The following EPHA7 variants were observed in gnomAD, a reference collection of about 807,000 sequenced individuals.
The protein encoded by EPHA7 is ephrin type-A receptor 7.
In EPHA7, 25 loss-of-function variants were observed where a neutral mutation model predicts 112.6. The observed-to-expected ratio is 0.22, with a 90% CI of 0.16 to 0.31. The LOEUF is 0.31. EPHA7 is among the 10% of genes least tolerant of loss of function. The probability of loss-of-function intolerance (pLI) is 1.00; values close to 1 mark genes in which losing one functional copy is unlikely to be tolerated. For missense variants in EPHA7, 962 were observed against 1,212.6 expected (o/e 0.79, Z 3.07); for synonymous variants, 437 against 406.5 (o/e 1.07, Z -0.90).
intron 6 of EPHA7, 114 bp downstream of exon 6, chr6:93,272,184 G>A (rs1325972474): frequency 9.4e-6 from 11 of 1,166,640 alleles, no homozygotes; most frequent in African/African-American, 3.1e-5. Flanking sequence ...AATTAACTAC[G>A]AAGTTTGAAG....
At chr6:93,351,192 T>G (rs1310909330) in intron 5 of EPHA7, among the ~76,000 whole-genome samples, 1 of 152,052 alleles carries the variant, frequency 6.6e-6, no homozygotes, top group Non-Finnish European at 1.5e-5. Flanking sequence ...AACCCATGTC[T>G]GGACAACATA....
chr6:93,303,518 T>C (rs1434181022), intron 5 of EPHA7, among the ~76,000 whole-genome samples: 1 of 152,146 alleles, frequency 6.6e-6, no homozygotes, highest in African/African-American at 2.4e-5. Context: ...TGGGAATGTT[T>C]GTTGATGGCT....
chr6:93,373,749 C>CT lies in EPHA7; in HGVS notation c.833-15339dup, dbSNP rs566647611. Among the ~76,000 whole-genome samples, 199 of 147,478 alleles carry CT rather than the reference C, an allele frequency of 1.3e-3. 1 individual carries two copies. The highest frequency in any genetic ancestry group is 2.2e-3 in the South Asian group (10 of 4,646). On this transcript the variant is annotated intron_variant, in intron 3 of 16. Coordinates refer to ENST00000369303, the MANE Select transcript of EPHA7 (RefSeq NM_004440.4). ...GGTTTATGCTCTATTTGTCACTCTT[C>CT]TTTTTTTTTTCTGGTGTATTCTCTT...
At chr6:93,266,725 G>A (rs1770958027) in intron 7 of EPHA7, among the ~76,000 whole-genome samples, 2 of 151,682 alleles carry the variant, frequency 1.3e-5, no homozygotes, top group African/African-American at 2.4e-5. Flanking sequence ...GGCACAGCAA[G>A]TCACTGCTCC....
chr6:93,315,558 G>T (rs1773765029), intron 5 of EPHA7, among the ~76,000 whole-genome samples: 2 of 152,032 alleles, frequency 1.3e-5, no homozygotes, highest in Non-Finnish European at 1.5e-5. Flanking sequence ...GTTATCTCTG[G>T]TTATGGAAAC....
chr6:93,317,626 A>G (rs1241027269), intron 5 of EPHA7, among the ~76,000 whole-genome samples: 2 of 152,204 alleles, frequency 1.3e-5, no homozygotes, highest in African/African-American at 4.8e-5. Context: ...AATTACACAT[A>G]ATCACAACAA....
intron 5 of EPHA7, among the ~76,000 whole-genome samples, chr6:93,345,040 A>G (rs574127183): frequency 6.6e-6 from 1 of 151,780 alleles, no homozygotes; most frequent in African/African-American, 2.4e-5. Flanking sequence ...TACTCATAAA[A>G]TGTATGAGGT....
chr6:93,377,260 T>A lies in EPHA7; in HGVS notation c.833-18849A>T, dbSNP rs138510484. 1.0e-3 allele frequency among the ~76,000 whole-genome samples: 159 copies of A among 152,264 alleles called. 1 individual carries two copies. Among genetic ancestry groups the A allele is most frequent in the African/African-American group, 3.7e-3 (152 of 41,558 alleles). ...TAACAAAGAATGATCCTGTACAAAA[T>A]GTCAATAGTGCTACTGTTGAGAAAT... On this transcript the variant is annotated intron_variant, in intron 3 of 16. Coordinates refer to ENST00000369303, the MANE Select transcript of EPHA7 (RefSeq NM_004440.4).
At position 93,339,285 on chromosome 6, in the gene EPHA7, G is replaced by A. The variant is rs188699539; in HGVS notation, c.1324+17432C>T. Among the ~76,000 whole-genome samples the A allele has an allele frequency of 1.9e-3, 292 of 151,688 alleles. 2 individuals carry two copies. The highest frequency in any genetic ancestry group is 4.1e-3 in the South Asian group (20 of 4,820). ...ATTACTTGTTTAAAGAATAGTCAAC[G>A]ATTTATTATTCTTTTGTAGTCCCGG... is the stretch of plus-strand genomic sequence containing the variant. On this transcript the variant is annotated intron_variant, in intron 5 of 16. Coordinates refer to ENST00000369303, the MANE Select transcript of EPHA7 (RefSeq NM_004440.4).
Position 93,294,597 on chromosome 6 carries a change from T to C in EPHA7, c.1325-22175A>G, listed in dbSNP as rs141185570. Among the ~76,000 whole-genome samples the C allele has an allele frequency of 4.4e-4, 67 of 152,272 alleles. 1 individual carries two copies. In the East Asian group the frequency reaches 0.012, roughly 28 times the overall value. On this transcript the variant is annotated intron_variant, in intron 5 of 16. Coordinates refer to ENST00000369303, the MANE Select transcript of EPHA7 (RefSeq NM_004440.4). ...TTTCTTTTTAACAAATAGAACAATG[T>C]CATAAATTGGTAGTTAAATGTTGTT...
At position 93,410,631 on chromosome 6, in the gene EPHA7, A is replaced by G. The variant is rs1345265318; in HGVS notation, c.702T>C (p.Cys234=). 3.1e-6 allele frequency: 5 copies of G among 1,614,034 alleles called. No individual in the cohort carries two copies. Among genetic ancestry groups the G allele is most frequent in the Non-Finnish European group, 4.2e-6 (5 of 1,179,952 alleles). The change falls in exon 3 of 17, where the codon TGT becomes TGC. Residue 234 remains cysteine, a synonymous_variant. Coordinates refer to ENST00000369303, the MANE Select transcript of EPHA7 (RefSeq NM_004440.4). This position sits in a 1 kb window ranked among gnomAD's most constrained non-coding sequence, Gnocchi z 4.0. The stretch of plus-strand genomic sequence containing the variant: ...CCGCTTCTTCCTCTGCACTGCTGAC[A>G]CATGTCCCTCGAACCTCGACTAAAG... The part of the protein sequence containing the change: ...FSSLVEVRGT[C]VSSAEEEAEN...
chr6:93,373,510 G>C (rs13218082), intron 3 of EPHA7, among the ~76,000 whole-genome samples: 29,769 of 151,918 alleles, frequency 0.2, 3,319 homozygotes, highest in Non-Finnish European at 0.25. Flanking sequence ...AAATTGTATG[G>C]AATAGGTTCT....
chr6:93,363,541 A>G (rs1269094401), intron 3 of EPHA7, among the ~76,000 whole-genome samples: 1 of 152,176 alleles, frequency 6.6e-6, no homozygotes, highest in African/African-American at 2.4e-5. Context: ...ATCTACTAGG[A>G]TGGCTATAAC....
At chr6:93,381,822 C>T (rs1050386198) in intron 3 of EPHA7, among the ~76,000 whole-genome samples, 2 of 151,870 alleles carry the variant, frequency 1.3e-5, no homozygotes, top group South Asian at 4.2e-4. Flanking sequence ...CATCTGTCAA[C>T]AAGCACAGCC....
intron 5 of EPHA7, among the ~76,000 whole-genome samples, chr6:93,295,113 A>G (rs928863948): frequency 1.3e-5 from 2 of 151,592 alleles, no homozygotes; most frequent in African/African-American, 4.8e-5. Flanking sequence ...GAGAATGGGG[A>G]GAGAGAGAGA....
chr6:93,375,426 G>A (rs1316262569), intron 3 of EPHA7, among the ~76,000 whole-genome samples: 4 of 151,574 alleles, frequency 2.6e-5, no homozygotes, highest in Non-Finnish European at 4.4e-5. Flanking sequence ...GAAAAGCCCA[G>A]GAAACATGGT....
At chr6:93,277,496 A>C (rs1318980081) in intron 5 of EPHA7, among the ~76,000 whole-genome samples, 1 of 151,976 alleles carries the variant, frequency 6.6e-6, no homozygotes, top group Non-Finnish European at 1.5e-5. Context: ...AGCTAAAAAA[A>C]TAAGTACAGG....
intron 5 of EPHA7, among the ~76,000 whole-genome samples, chr6:93,299,567 C>T (rs1353777153): frequency 6.6e-6 from 1 of 152,060 alleles, no homozygotes; most frequent in Non-Finnish European, 1.5e-5. Flanking sequence ...TTGTGGAAAG[C>T]AGTGTGGTGA....
chr6:93,363,737 C>T (rs1280224709), intron 3 of EPHA7, among the ~76,000 whole-genome samples: 1 of 152,114 alleles, frequency 6.6e-6, no homozygotes, highest in Non-Finnish European at 1.5e-5. Context: ...TAAATGAAAA[C>T]ATACATGCAC....
Sources: gnomAD v4.1 joint callset for allele counts (sites outside exome capture counted in the v4.1 genomes callset) on GRCh38, gnomAD v4.1.1 for gene constraint, Gnocchi (gnomAD v3.1) non-coding constraint, MANE v1.5 for transcripts, NCBI Gene and HGNC (gene_info 2026-07-23, HGNC 2026-07-21) for gene names.